The following TTLL5 variants were observed in gnomAD, a reference collection of about 807,000 sequenced individuals.
TTLL5 encodes tubulin polyglutamylase TTLL5.
In TTLL5, 132 loss-of-function variants were observed where a neutral mutation model predicts 168.4. That is an observed-to-expected ratio of 0.78 (90% CI 0.68 to 0.91). The LOEUF is 0.91. TTLL5 is among the 40% of genes least tolerant of loss of function. TTLL5 has a pLI of 0.00. For synonymous variants in TTLL5, 546 were observed against 558.6 expected (o/e 0.98, Z 0.32); for missense variants, 1,545 against 1,581.5 (o/e 0.98, Z 0.39).
rs764837752 is a variant in TTLL5, at chr14:75,766,058, T to C, written c.1709-4T>C. The C allele has an allele frequency of 2.5e-6, 4 of 1,606,722 alleles. No homozygotes were observed. The highest frequency in any genetic ancestry group is 3.4e-6 in the Non-Finnish European group (4 of 1,176,614). ...CAGCAACATTAGTGATTCTTCGTATTTAGTGATTACCCAACCAGCTGAAAT... is the reference window on the plus strand; with the variant it reads ...CAGCAACATTAGTGATTCTTCGTATCTAGTGATTACCCAACCAGCTGAAAT... On this transcript the variant is annotated splice_region_variant and splice_polypyrimidine_tract_variant and intron_variant, in intron 19 of 31. Coordinates refer to ENST00000298832, the MANE Select transcript of TTLL5 (RefSeq NM_015072.5).
At chr14:75,864,591 C>A (rs938473817) in intron 29 of TTLL5, among the ~76,000 whole-genome samples, 1 of 151,668 alleles carries the variant, frequency 6.6e-6, no homozygotes, top group Non-Finnish European at 1.5e-5. Flanking sequence ...TTAGTATGGC[C>A]CCAATTGTAG....
intron 28 of TTLL5, among the ~76,000 whole-genome samples, chr14:75,860,618 ATC>A (rs2029902964): frequency 6.6e-6 from 1 of 152,190 alleles, no homozygotes. Context: ...TGGTGTGGAA[ATC>A]TCAAGGTTAG....
intron 18 of TTLL5, among the ~76,000 whole-genome samples, chr14:75,761,468 A>G (rs1002676192): frequency 6.6e-6 from 1 of 152,230 alleles, no homozygotes; most frequent in Admixed American, 6.5e-5. Flanking sequence ...AACAGAGCAG[A>G]TAACTGTGGG....
chr14:75,782,670 A>C (rs1053013579), intron 25 of TTLL5, 97 bp downstream of exon 25: 66 of 959,912 alleles, frequency 6.9e-5, no homozygotes, highest in Non-Finnish European at 8.8e-5. Flanking sequence ...AAAGCATGGA[A>C]CATTACCCCA....
intron 27 of TTLL5, among the ~76,000 whole-genome samples, chr14:75,817,026 G>A (rs1566616697): frequency 7.0e-6 from 1 of 142,932 alleles, no homozygotes; most frequent in East Asian, 2.0e-4. Context: ...CTGTCGCCAG[G>A]CTGGAGTGCA....
At chr14:75,824,427 C>T (rs1211106798) in intron 28 of TTLL5, among the ~76,000 whole-genome samples, 5 of 151,992 alleles carry the variant, frequency 3.3e-5, no homozygotes, top group Middle Eastern at 3.4e-3. Flanking sequence ...TGTAAGGAGT[C>T]AGTCCTGTCC....
rs186428372 is a variant in TTLL5 at position 75,775,472 on chromosome 14, T to C, written c.2137-12T>C. The stretch of plus-strand genomic sequence containing the variant: ...CTCCTTTTTTTTTCTCCCACGACTC[T>C]TTAATTTATAGGAGCTGGTTGTTCG... On this transcript the variant is annotated splice_polypyrimidine_tract_variant and intron_variant, in intron 21 of 31. Coordinates refer to ENST00000298832, the MANE Select transcript of TTLL5 (RefSeq NM_015072.5). The C allele has an allele frequency of 1.2e-3, 1,928 of 1,613,248 alleles. 1 individual carries two copies. The highest frequency in any genetic ancestry group is 1.4e-3 in the Non-Finnish European group (1,705 of 1,179,574).
chr14:75,672,967 C>G (rs1329224117), intron 3 of TTLL5, among the ~76,000 whole-genome samples: 1 of 151,966 alleles, frequency 6.6e-6, no homozygotes, highest in Non-Finnish European at 1.5e-5. Context: ...GTGACAAAGT[C>G]TCACTCTGTC....
At chr14:75,845,230 T>C (rs1896480404) in intron 28 of TTLL5, among the ~76,000 whole-genome samples, 1 of 152,190 alleles carries the variant, frequency 6.6e-6, no homozygotes, top group South Asian at 2.1e-4. Context: ...TAAAAAAGTG[T>C]ACACCTATTT....
intron 26 of TTLL5, among the ~76,000 whole-genome samples, chr14:75,791,962 G>A (rs570527730): frequency 3.1e-4 from 47 of 152,004 alleles, no homozygotes; most frequent in African/African-American, 1.0e-3. Flanking sequence ...AGGCTGGAGT[G>A]CAGTGGCATG....
intron 31 of TTLL5, among the ~76,000 whole-genome samples, chr14:75,928,607 A>G (rs2034165227): frequency 6.6e-6 from 1 of 151,450 alleles, no homozygotes; most frequent in Middle Eastern, 3.4e-3. Flanking sequence ...TTATTACACT[A>G]AAAAAAAGAC....
chr14:75,915,549 C>T (rs2033586493), intron 31 of TTLL5, among the ~76,000 whole-genome samples: 1 of 152,184 alleles, frequency 6.6e-6, no homozygotes, highest in South Asian at 2.1e-4. Flanking sequence ...CAGTTGGCAA[C>T]TTTAGGCTAA....
At chr14:75,922,710 C>G (rs529791109) in intron 31 of TTLL5, among the ~76,000 whole-genome samples, 3 of 152,058 alleles carry the variant, frequency 2.0e-5, no homozygotes, top group African/African-American at 7.2e-5. Flanking sequence ...TGTGTCTCTG[C>G]GGGGCTTTGG....
At chr14:75,845,881 GT>G (rs1265422772) in intron 28 of TTLL5, among the ~76,000 whole-genome samples, 1 of 152,026 alleles carries the variant, frequency 6.6e-6, no homozygotes, top group East Asian at 1.9e-4. Context: ...GCCTAGACCT[GT>G]TTTTTTGGTG....
chr14:75,809,347 CTA>C (rs1210526020), intron 27 of TTLL5, among the ~76,000 whole-genome samples: 1 of 152,164 alleles, frequency 6.6e-6, no homozygotes, highest in East Asian at 1.9e-4. Flanking sequence ...AACTCCAAAT[CTA>C]TGAGTATCTT....
intron 30 of TTLL5, among the ~76,000 whole-genome samples, chr14:75,895,613 A>G (rs1425640090): frequency 6.6e-6 from 1 of 152,194 alleles, no homozygotes; most frequent in African/African-American, 2.4e-5. Flanking sequence ...GAAAATTATA[A>G]AATATTTTAA....
At chr14:75,793,324 T>G (rs1423607887) in intron 27 of TTLL5, among the ~76,000 whole-genome samples, 2 of 152,330 alleles carry the variant, frequency 1.3e-5, no homozygotes, top group East Asian at 3.9e-4. Flanking sequence ...CTACTGGATA[T>G]GATGTACCTA....
intron 28 of TTLL5, among the ~76,000 whole-genome samples, chr14:75,821,857 TCTTTTC>T (rs1894852089): frequency 1.3e-5 from 2 of 152,078 alleles, no homozygotes; most frequent in South Asian, 4.1e-4. Context: ...AGTCCCCTGG[TCTTTTC>T]CTTTTCTTTT....
intron 31 of TTLL5, among the ~76,000 whole-genome samples, chr14:75,952,473 G>A (rs904157091): frequency 3.9e-4 from 59 of 152,290 alleles, no homozygotes; most frequent in African/African-American, 1.4e-3. Flanking sequence ...AACAGTTTAC[G>A]TGAAGAGTTG....
Sources: allele counts gnomAD v4.1 joint callset (sites outside exome capture counted in the v4.1 genomes callset), GRCh38; gene constraint gnomAD v4.1.1; transcripts MANE v1.5; gene names NCBI Gene and HGNC (gene_info 2026-07-23, HGNC 2026-07-21).